The following SMARCE1 variants were observed in gnomAD, a reference collection of about 807,000 sequenced individuals.
SMARCE1 encodes the protein SWI/SNF-related matrix-associated actin-dependent regulator of chromatin subfamily E member 1.
SMARCE1 carries 13 observed loss-of-function variants against 54.9 expected under a neutral mutation model. The observed-to-expected ratio is 0.24, with a 90% confidence interval of 0.15 to 0.38. The LOEUF (loss-of-function observed/expected upper bound fraction) is 0.38. SMARCE1 is among the 10% of genes least tolerant of loss of function. SMARCE1 has a pLI of 1.00. For synonymous variants in SMARCE1, 151 were observed against 175.3 expected (o/e 0.86, Z 1.10); for missense variants, 295 against 523.8 (o/e 0.56, Z 4.26).
rs946959197 is a variant in SMARCE1, at chr17:40,647,416, G to C, written c.-46+357C>G. On this transcript the variant is annotated intron_variant, in intron 1 of 10. Coordinates refer to ENST00000348513, the MANE Select transcript of SMARCE1 (RefSeq NM_003079.5). Reference sequence around the variant, plus strand: ...CTCAAGTCGCTGCCTGAACCAATGGGGGAACCTTCTGCCCGGGTGGGGGGT... The same window carrying C: ...CTCAAGTCGCTGCCTGAACCAATGGCGGAACCTTCTGCCCGGGTGGGGGGT... 4 of 152,914 alleles carry C rather than the reference G, an allele frequency of 2.6e-5. No individual in the cohort carries two copies. In the Admixed American group the frequency reaches 2.6e-4, roughly 10 times the overall value. The allele number at this position is 152,914 out of a possible 1,614,324, so 9.5% of individuals were successfully genotyped here. A position where few individuals can be genotyped will look rare whatever the true frequency, so the allele number is the denominator to read the frequency against.
At position 40,630,819 on chromosome 17, in the gene SMARCE1, C is replaced by A. The variant is rs372988818; in HGVS notation, c.922G>T (p.Ala308Ser). 1 of 1,613,990 alleles carries A rather than the reference C, an allele frequency of 6.2e-7. No individual in the cohort carries two copies. The highest frequency in any genetic ancestry group is 8.5e-7 in the Non-Finnish European group (1 of 1,179,978). Reference sequence around the variant, plus strand: ...CTCTGACTGCGCTCAGCTTGCTCTGCGGCCTCCTTCTCCCTTTCCTCCTGC... The same window carrying A: ...CTCTGACTGCGCTCAGCTTGCTCTGAGGCCTCCTTCTCCCTTTCCTCCTGC... The part of the protein sequence containing the change: ...KRQEEREKEA[A>S]EQAERSQSSI... The change falls in exon 10 of 11, where the codon GCA becomes TCA. Residue 308 changes from alanine (A) to serine (S), a missense_variant. Transcript: ENST00000348513.
intron 1 of SMARCE1, among the ~76,000 whole-genome samples, chr17:40,646,260 G>C (rs2037255399): frequency 2.0e-5 from 3 of 152,198 alleles, no homozygotes; most frequent in African/African-American, 7.2e-5. Flanking sequence ...CATGCTTTTG[G>C]GATAACAATT....
intron 6 of SMARCE1, 23 bp from the exon 7 acceptor site, chr17:40,636,125 T>A (rs2037143851): frequency 1.8e-5 from 29 of 1,573,096 alleles, no homozygotes; most frequent in Non-Finnish European, 2.5e-5. Context: ...TGTTTTTTGG[T>A]TTTATAATTA....
chr17:40,630,078 TAC>T (rs2037075434), intron 10 of SMARCE1: 1 of 567,636 alleles, frequency 1.8e-6, no homozygotes, highest in Non-Finnish European at 3.1e-6. Context: ...TAGTCCTGTT[TAC>T]ACAGTGTACT....
At position 40,635,896 on chromosome 17, in the gene SMARCE1, A is replaced by G. The variant is rs111744948; in HGVS notation, c.541+35T>C. Reference sequence around the variant, plus strand: ...ATTTCTCATATCTTAACTCACAGAGAAAGCATAAACAAAACCCCACTTTTT... The same window carrying G: ...ATTTCTCATATCTTAACTCACAGAGGAAGCATAAACAAAACCCCACTTTTT... On this transcript the variant is annotated intron_variant, in intron 7 of 10. Coordinates refer to ENST00000348513, the MANE Select transcript of SMARCE1 (RefSeq NM_003079.5). The G allele has an allele frequency of 2.9e-5, 43 of 1,464,844 alleles. No homozygotes were observed. The African/African-American group carries it at 4.9e-4, about 17-fold the overall frequency. The allele number at this position is 1,464,844 out of a possible 1,614,324, so 90.7% of individuals were successfully genotyped here. A position where few individuals can be genotyped will look rare whatever the true frequency, so the allele number is the denominator to read the frequency against.
chr17:40,631,939 G>C (rs1365173384), intron 8 of SMARCE1: 6 of 541,172 alleles, frequency 1.1e-5, no homozygotes, highest in African/African-American at 3.8e-5. Context: ...AGATTGATAG[G>C]ATGCCTCAAA....
chr17:40,628,659 A>G lies in SMARCE1; in HGVS notation c.*126T>C. 1.4e-6 allele frequency: 1 copy of G among 701,530 alleles called. No individual in the cohort carries two copies. Among genetic ancestry groups the G allele is most frequent in the Non-Finnish European group, 2.4e-6 (1 of 412,754 alleles). The allele number at this position is 701,530 out of a possible 1,614,324, so 43.5% of individuals were successfully genotyped here. A position where few individuals can be genotyped will look rare whatever the true frequency, so the allele number is the denominator to read the frequency against. ...TTAGGCTCATGATGCTAAATGGTCC[A>G]AAAGCCTTTGGTGGTGTGATATGGA... On this transcript the variant is annotated 3_prime_UTR_variant, in exon 11 of 11. Coordinates refer to ENST00000348513, the MANE Select transcript of SMARCE1 (RefSeq NM_003079.5).
In SMARCE1 at chr17:40,630,933, A is replaced by G. The variant is rs749106268; in HGVS notation, c.817-9T>C. On this transcript the variant is annotated splice_polypyrimidine_tract_variant and intron_variant, in intron 9 of 10. Transcript: ENST00000348513. ...ACTTTCAGACCGCACAACTAATCAG[A>G]AAAAAACAGAACTCCGTAATGTTTT... 1 of 1,602,926 alleles carries G rather than the reference A, an allele frequency of 6.2e-7. No homozygotes were observed. The highest frequency in any genetic ancestry group is 1.1e-5 in the South Asian group (1 of 90,778).
At chr17:40,629,814 A>C (rs2037071899) in intron 10 of SMARCE1, 5 of 383,290 alleles carry the variant, frequency 1.3e-5, no homozygotes, top group South Asian at 2.9e-4. Flanking sequence ...TCATGCTCCA[A>C]ATTCATTACA....
intron 3 of SMARCE1, chr17:40,644,033 GAAT>G: frequency 6.5e-6 from 1 of 152,954 alleles, no homozygotes; most frequent in Admixed American, 6.5e-5. Context: ...AAAGGAAGAA[GAAT>G]AATTCATTTA....
At chr17:40,633,694 T>G (rs890776360) in intron 7 of SMARCE1, 1 of 152,208 alleles carries the variant, frequency 6.6e-6, no homozygotes, top group Non-Finnish European at 1.5e-5. Context: ...AAAACTGTTG[T>G]TTTTGTAAAA....
Position 40,630,735 on chromosome 17 carries a change from C to T in SMARCE1, c.1006G>A (p.Glu336Lys), listed in dbSNP as rs377136485. 30 of 1,613,986 alleles carry T rather than the reference C, an allele frequency of 1.9e-5. No individual in the cohort carries two copies. Among genetic ancestry groups the T allele is most frequent in the African/African-American group, 5.3e-5 (4 of 74,914 alleles). ...ANKGEEKKDD[E>K]NIPMETEETH... Reference sequence around the variant, plus strand: ...TTACCTGTCTCCATCGGAATGTTCTCGTCGTCTTTCTTCTCCTCGCCTTTG... The same window carrying T: ...TTACCTGTCTCCATCGGAATGTTCTTGTCGTCTTTCTTCTCCTCGCCTTTG... Residue 336 changes from glutamate to lysine, a missense_variant, in exon 10 of 11, where the codon GAG becomes AAG. Coordinates refer to ENST00000348513, the MANE Select transcript of SMARCE1 (RefSeq NM_003079.5).
In SMARCE1 at chr17:40,630,729, T is replaced by G; in HGVS notation, c.1012A>C (p.Ile338Leu). The change falls in exon 10 of 11, where the codon ATT becomes CTT. Residue 338 changes from isoleucine to leucine, a missense_variant. Ile to Leu is a conservative substitution (Grantham distance 5). This residue lies in a region of SMARCE1 where 147 missense variants were observed against 161.4 expected (regional missense o/e 0.91). Transcript: ENST00000348513. ...KGEEKKDDENIPMETEETHLE... is the reference protein window; with the variant it reads ...KGEEKKDDENLPMETEETHLE... ...AGTGGGTTACCTGTCTCCATCGGAA[T>G]GTTCTCGTCGTCTTTCTTCTCCTCG... 1 of 1,614,152 alleles carries G rather than the reference T, an allele frequency of 6.2e-7. No individual in the cohort carries two copies. The highest frequency in any genetic ancestry group is 8.5e-7 in the Non-Finnish European group (1 of 1,179,994).
chr17:40,628,627 T>C lies in SMARCE1; in HGVS notation c.*158A>G, dbSNP rs900907001. The C allele has an allele frequency of 6.4e-5, 38 of 596,708 alleles. No homozygotes were observed. The highest frequency in any genetic ancestry group is 6.3e-4 in the African/African-American group (34 of 53,756). 37.0% of individuals were successfully genotyped at this position (596,708 alleles called of 1,614,324 possible). ...ACAACACTTAAGAAAGGTGACTGAC[T>C]GAGCCATTAGGCTCATGATGCTAAA... On this transcript the variant is annotated 3_prime_UTR_variant, in exon 11 of 11. Transcript: ENST00000348513.
In SMARCE1 at chr17:40,630,819, C is replaced by T. The variant is rs372988818; in HGVS notation, c.922G>A (p.Ala308Thr). 6.1e-5 allele frequency: 99 copies of T among 1,613,990 alleles called. No homozygotes were observed. Among genetic ancestry groups the T allele is most frequent in the East Asian group, 2.9e-4 (13 of 44,884 alleles). ...CTCTGACTGCGCTCAGCTTGCTCTGCGGCCTCCTTCTCCCTTTCCTCCTGC... is the reference window on the plus strand; with the variant it reads ...CTCTGACTGCGCTCAGCTTGCTCTGTGGCCTCCTTCTCCCTTTCCTCCTGC... ...KRQEEREKEA[A>T]EQAERSQSSI... Residue 308 changes from alanine to threonine, a missense_variant, in exon 10 of 11, where the codon GCA becomes ACA. This residue lies in a region of SMARCE1 where 147 missense variants were observed against 161.4 expected (regional missense o/e 0.91). Coordinates refer to ENST00000348513, the MANE Select transcript of SMARCE1 (RefSeq NM_003079.5).
At chr17:40,629,907 G>C in intron 10 of SMARCE1, 2 of 350,582 alleles carry the variant, frequency 5.7e-6, no homozygotes, top group Non-Finnish European at 5.1e-6. Flanking sequence ...TAATCTGCTG[G>C]ATTAAATTTT....
chr17:40,637,725 G>A, intron 4 of SMARCE1, 153 bp from the exon 5 acceptor site: 1 of 619,208 alleles, frequency 1.6e-6, no homozygotes, highest in Non-Finnish European at 2.9e-6. Context: ...ATTCAGAAAT[G>A]TTCAAAAGAA....
At position 40,642,298 on chromosome 17, in the gene SMARCE1, T is replaced by A; in HGVS notation, c.156+157A>T. 1 of 691,734 alleles carries A rather than the reference T, an allele frequency of 1.4e-6. No homozygotes were observed. Among genetic ancestry groups the A allele is most frequent in the East Asian group, 2.7e-5 (1 of 37,308 alleles). The allele number at this position is 691,734 out of a possible 1,614,324, so 42.8% of individuals were successfully genotyped here. On this transcript the variant is annotated intron_variant, in intron 4 of 10. Transcript: ENST00000348513. This position sits in a 1 kb window ranked among gnomAD's most constrained non-coding sequence, Gnocchi z 4.6. ...CAGATCTCACTATTTATTTTTTCAG[T>A]GTGAGATGCTACAACGAATGTTGAA...
chr17:40,643,587 T>G (rs947787591), intron 3 of SMARCE1: 1 of 152,208 alleles, frequency 6.6e-6, no homozygotes, highest in Non-Finnish European at 1.5e-5. Context: ...AATTAGGGTA[T>G]TTTACCTTGT....
Sources: allele counts gnomAD v4.1 joint callset (sites outside exome capture counted in the v4.1 genomes callset), GRCh38; gene constraint gnomAD v4.1.1; regional missense constraint gnomAD v4.1.1; non-coding constraint Gnocchi (gnomAD v3.1); transcripts MANE v1.5; gene names NCBI Gene and HGNC (gene_info 2026-07-23, HGNC 2026-07-21).